LOXHD1: variants seen among roughly 807,000 people sequenced by gnomAD.
LOXHD1 encodes lipoxygenase homology PLAT domains 1.
LOXHD1 carries 205 observed loss-of-function variants against 248.2 expected under a neutral mutation model. The observed-to-expected ratio is 0.83, with a 90% confidence interval of 0.74 to 0.93. LOXHD1 has a LOEUF of 0.93. Among genes scored for constraint, LOXHD1 ranks in the 40% least tolerant of loss-of-function variants. The pLI, the probability that LOXHD1 is intolerant of heterozygous loss-of-function variation, is 0.00. For synonymous variants in LOXHD1, 1,113 were observed against 1,162.8 expected (o/e 0.96, Z 0.87); for missense variants, 2,930 against 2,971.6 (o/e 0.99, Z 0.33).
At chr18:46,526,470 G>T (rs2035835499) in intron 29 of LOXHD1, among the ~76,000 whole-genome samples, 1 of 152,208 alleles carries the variant, frequency 6.6e-6, no homozygotes. Context: ...CCACGGAATG[G>T]CTTACCTATT....
At chr18:46,544,592 A>G (rs111860713) in intron 23 of LOXHD1, among the ~76,000 whole-genome samples, 9 of 152,344 alleles carry the variant, frequency 5.9e-5, no homozygotes, top group African/African-American at 2.2e-4. Context: ...CATTAGACCT[A>G]CAACTCTATA....
chr18:46,608,035 GGGAAGGAAGGAA>G (rs149739560), intron 6 of LOXHD1, among the ~76,000 whole-genome samples: 13 of 111,260 alleles, frequency 1.2e-4, no homozygotes, highest in South Asian at 7.4e-4. Context: ...GAAGGAAGGA[GGGAAGGAAGGAA>G]GGAAGGAAGG....
chr18:46,509,907 GAGA>G (rs927091570), intron 34 of LOXHD1, 92 bp from the exon 35 acceptor site: 8 of 895,170 alleles, frequency 8.9e-6, no homozygotes, highest in South Asian at 5.7e-5. Context: ...TGGGGTGAGG[GAGA>G]AGATTAGGCC....
chr18:46,513,667 T>A (rs1444789542), intron 34 of LOXHD1, among the ~76,000 whole-genome samples: 1 of 152,190 alleles, frequency 6.6e-6, no homozygotes, highest in Non-Finnish European at 1.5e-5. Flanking sequence ...GCAGGGCACA[T>A]GGTGGTGCTG....
Position 46,488,963 on chromosome 18 carries a change from C to G in LOXHD1, c.6049+9G>C, listed in dbSNP as rs1410056251. On this transcript the variant is annotated intron_variant, in intron 38 of 40. Transcript: ENST00000642948. ...CCTCCCTCCTGAGCCAATGATCTCC[C>G]CCACATACTGGTCTCTTCCAGCTCA... is the stretch of plus-strand genomic sequence containing the variant. 2 of 1,549,896 alleles carry G rather than the reference C, an allele frequency of 1.3e-6. No homozygotes were observed. Among genetic ancestry groups the G allele is most frequent in the Non-Finnish European group, 1.7e-6 (2 of 1,145,572 alleles).
chr18:46,572,728 T>C (rs2037777464), intron 14 of LOXHD1, among the ~76,000 whole-genome samples: 1 of 152,016 alleles, frequency 6.6e-6, no homozygotes, highest in African/African-American at 2.4e-5. Flanking sequence ...AGAGAACATA[T>C]GCTAGGATAC....
At position 46,518,212 on chromosome 18, in the gene LOXHD1, C is replaced by T; in HGVS notation, c.5316G>A (p.Gly1772=). Residue 1772 remains glycine, a synonymous_variant, in exon 34 of 41, where the codon GGG becomes GGA. Transcript: ENST00000642948. ...TCATGAAGATGTTGGAGTCAGTGCC[C>T]CCGCCAACCACATCCCCTGTCCACA... ...MTVWTGDVVG[G]GTDSNIFMTL... The T allele has an allele frequency of 6.4e-7, 1 of 1,551,638 alleles. No individual in the cohort carries two copies. Among genetic ancestry groups the T allele is most frequent in the Non-Finnish European group, 8.7e-7 (1 of 1,146,974 alleles).
chr18:46,507,856 G>T, intron 35 of LOXHD1, 144 bp from the exon 36 acceptor site: 1 of 821,054 alleles, frequency 1.2e-6, no homozygotes, highest in Non-Finnish European at 1.9e-6. Flanking sequence ...CCCACGGGGT[G>T]TGGAAAGGGC....
chr18:46,652,353 A>C (rs1404413596), intron 1 of LOXHD1, among the ~76,000 whole-genome samples: 1 of 152,244 alleles, frequency 6.6e-6, no homozygotes, highest in Non-Finnish European at 1.5e-5. Flanking sequence ...AAATAGGTGT[A>C]TTTTATTATA....
intron 15 of LOXHD1, among the ~76,000 whole-genome samples, chr18:46,571,090 A>G (rs592735): frequency 6.6e-6 from 1 of 152,174 alleles, no homozygotes; most frequent in African/African-American, 2.4e-5. Context: ...TCCTTCCCAG[A>G]TCTTAAATTC....
At chr18:46,585,281 T>C (rs768560891) in intron 12 of LOXHD1, among the ~76,000 whole-genome samples, 1 of 152,156 alleles carries the variant, frequency 6.6e-6, no homozygotes, top group Non-Finnish European at 1.5e-5. Flanking sequence ...GTGACATAAC[T>C]ATGTATTTAT....
At chr18:46,569,377 C>T in intron 16 of LOXHD1, 65 bp downstream of exon 16, 1 of 1,327,748 alleles carries the variant, frequency 7.5e-7, no homozygotes, top group Non-Finnish European at 1.0e-6. Flanking sequence ...TGTGTGTGGA[C>T]ACGTGTGAAT....
chr18:46,557,241 T>G, intron 21 of LOXHD1, 115 bp downstream of exon 21: 22 of 570,542 alleles, frequency 3.9e-5, no homozygotes, highest in East Asian at 6.7e-5. Context: ...CAGCCCACCC[T>G]CACCCTCCAC....
At chr18:46,643,031 G>A (rs1417129853) in intron 2 of LOXHD1, among the ~76,000 whole-genome samples, 1 of 152,148 alleles carries the variant, frequency 6.6e-6, no homozygotes, top group African/African-American at 2.4e-5. Flanking sequence ...GGAAGGGGAA[G>A]GGCCTTCTCC....
chr18:46,535,352 C>T (rs751512121), intron 26 of LOXHD1, among the ~76,000 whole-genome samples: 2 of 151,884 alleles, frequency 1.3e-5, no homozygotes, highest in Non-Finnish European at 2.9e-5. Flanking sequence ...TCTCATAATG[C>T]GGTGGTGAGC....
intron 29 of LOXHD1, among the ~76,000 whole-genome samples, chr18:46,526,524 A>G (rs1370820910): frequency 6.6e-6 from 1 of 152,224 alleles, no homozygotes; most frequent in Non-Finnish European, 1.5e-5. Context: ...ATGTTTGGAA[A>G]GATGCTGAGG....
chr18:46,577,911 C>G, intron 13 of LOXHD1, 44 bp from the exon 14 acceptor site: 4 of 1,548,108 alleles, frequency 2.6e-6, no homozygotes, highest in Non-Finnish European at 3.5e-6. Flanking sequence ...GTGGCTACCC[C>G]AGGACCCAAA....
At chr18:46,579,926 C>T (rs1199367109) in intron 12 of LOXHD1, 142 bp from the exon 13 acceptor site, 13 of 1,009,088 alleles carry the variant, frequency 1.3e-5, no homozygotes, top group Non-Finnish European at 1.9e-5. Context: ...TCCCAACTAT[C>T]TAAATCCTAC....
Position 46,592,552 on chromosome 18 carries a change from C to T in LOXHD1, c.1464G>A (p.Lys488=). Residue 488 remains lysine (K), a synonymous_variant, in exon 11 of 41, where the codon AAG becomes AAA. Coordinates refer to ENST00000642948, the MANE Select transcript of LOXHD1 (RefSeq NM_001384474.1). ...IELPDLGRFY[K]IRVWHDKRSS... ...TCCTTTTATCATGCCATACTCGAAT[C>T]TTATAAAACCTGCCAAGATCCGGGA... is the stretch of plus-strand genomic sequence containing the variant. The T allele has an allele frequency of 1.3e-6, 2 of 1,551,640 alleles. No homozygotes were observed. The highest frequency in any genetic ancestry group is 2.4e-5 in the East Asian group (1 of 40,920).
Sources: allele counts gnomAD v4.1 joint callset (sites outside exome capture counted in the v4.1 genomes callset), GRCh38; gene constraint gnomAD v4.1.1; transcripts MANE v1.5; gene names NCBI Gene and HGNC (gene_info 2026-07-23, HGNC 2026-07-21).